The following GNA14 variants were observed in gnomAD, a reference collection of about 807,000 sequenced individuals.
GNA14 encodes G protein subunit alpha 14.
A neutral mutation model predicts 42.0 loss-of-function variants in GNA14; 50 were observed. The ratio of observed to expected loss-of-function variants is 1.19; its 90% CI spans 0.95 to 1.51. The LOEUF is 1.51. GNA14 is among the 40% of genes most tolerant of loss of function. The pLI, the probability that GNA14 is intolerant of heterozygous loss-of-function variation, is 0.00. For synonymous variants in GNA14, 173 were observed against 163.1 expected (o/e 1.06, Z -0.46); for missense variants, 473 against 446.2 (o/e 1.06, Z -0.54).
At position 77,454,225 on chromosome 9, in the gene GNA14, A is replaced by G. The variant is rs141441669; in HGVS notation, c.310-19703T>C. On this transcript the variant is annotated intron_variant, in intron 2 of 6. Transcript: ENST00000341700. ...TTCCAAAGTCTTCACCGTTTCTTAC[A>G]AAAGTGACTTCCCCTTTCCTCTAAC... is the stretch of plus-strand genomic sequence containing the variant. 4.7e-3 allele frequency among the ~76,000 whole-genome samples: 710 copies of G among 152,324 alleles called. 3 individuals are homozygous for G. The highest frequency in any genetic ancestry group is 0.014 in the Middle Eastern group (4 of 294).
At chr9:77,440,763 T>G (rs924007629) in intron 2 of GNA14, among the ~76,000 whole-genome samples, 1 of 152,188 alleles carries the variant, frequency 6.6e-6, no homozygotes, top group African/African-American at 2.4e-5. Flanking sequence ...GTCCCCAGGC[T>G]GGAGTGCAGT....
chr9:77,437,562 A>AAGAG (rs879376486), intron 2 of GNA14, among the ~76,000 whole-genome samples: 6 of 146,478 alleles, frequency 4.1e-5, no homozygotes, highest in African/African-American at 1.3e-4. Context: ...GAGAGAGAGA[A>AAGAG]AGAGAGAGAG....
intron 1 of GNA14, among the ~76,000 whole-genome samples, chr9:77,608,846 GC>G (rs1823684057): frequency 7.0e-6 from 1 of 143,402 alleles, no homozygotes; most frequent in South Asian, 2.2e-4. Flanking sequence ...GTTTATTTCT[GC>G]CCCCTTTAGT....
intron 1 of GNA14, 95 bp from the exon 2 acceptor site, chr9:77,529,348 C>T: frequency 1.1e-6 from 1 of 931,952 alleles, no homozygotes; most frequent in Non-Finnish European, 1.7e-6. Context: ...ATCCACATCC[C>T]AATTAATAGG....
At chr9:77,607,087 C>T (rs188182074) in intron 1 of GNA14, among the ~76,000 whole-genome samples, 14 of 152,192 alleles carry the variant, frequency 9.2e-5, no homozygotes, top group Admixed American at 3.3e-4. Context: ...ACCCAGTCTA[C>T]GGTATTCTGT....
intron 1 of GNA14, among the ~76,000 whole-genome samples, chr9:77,637,240 C>T (rs1824196662): frequency 6.6e-6 from 1 of 152,196 alleles, no homozygotes; most frequent in Non-Finnish European, 1.5e-5. Flanking sequence ...AGTCTTACCA[C>T]TTTTCACTGT....
At chr9:77,464,709 T>C (rs1322828523) in intron 2 of GNA14, among the ~76,000 whole-genome samples, 3 of 152,194 alleles carry the variant, frequency 2.0e-5, no homozygotes, top group Admixed American at 6.5e-5. Flanking sequence ...ATTAGGATTC[T>C]ATGGGTTGAA....
intron 2 of GNA14, among the ~76,000 whole-genome samples, chr9:77,438,051 CCTCTCAGGTCACCGGGAGA>C (rs1445467596): frequency 2.0e-5 from 3 of 152,134 alleles, no homozygotes; most frequent in Non-Finnish European, 4.4e-5. Context: ...ATAGATATGA[CCTCTCAGGTCACCGGGAGA>C]CCTCACCAGG....
chr9:77,537,028 G>A (rs1167291421), intron 1 of GNA14, among the ~76,000 whole-genome samples: 1 of 151,798 alleles, frequency 6.6e-6, no homozygotes, highest in Non-Finnish European at 1.5e-5. Flanking sequence ...ATCAAGCCAG[G>A]GTATTTGGGG....
intron 2 of GNA14, among the ~76,000 whole-genome samples, chr9:77,480,760 C>A (rs1397048996): frequency 6.6e-6 from 1 of 152,158 alleles, no homozygotes; most frequent in East Asian, 1.9e-4. Context: ...TCAACTTCCT[C>A]CTGGTTTAGT....
intron 1 of GNA14, among the ~76,000 whole-genome samples, chr9:77,593,496 G>A (rs375914181): frequency 6.6e-6 from 1 of 152,110 alleles, no homozygotes; most frequent in Admixed American, 6.5e-5. Context: ...TTTTAGTAGA[G>A]ATGAGGTTTC....
chr9:77,518,763 A>G (rs1837302450), intron 2 of GNA14, among the ~76,000 whole-genome samples: 1 of 152,242 alleles, frequency 6.6e-6, no homozygotes, highest in Non-Finnish European at 1.5e-5. Context: ...ACACAGAAGC[A>G]AATAACTTCC....
chr9:77,481,681 T>C (rs557132973), intron 2 of GNA14, among the ~76,000 whole-genome samples: 83 of 152,298 alleles, frequency 5.4e-4, no homozygotes, highest in Non-Finnish European at 7.6e-4. Context: ...TGTGTGGAAG[T>C]CTAAGTCTCT....
At chr9:77,641,437 G>A (rs537122478) in intron 1 of GNA14, among the ~76,000 whole-genome samples, 3 of 151,846 alleles carry the variant, frequency 2.0e-5, no homozygotes, top group African/African-American at 4.8e-5. Flanking sequence ...AGGAGCAGAT[G>A]GACATGGTGT....
At chr9:77,569,683 G>A (rs1292299042) in intron 1 of GNA14, among the ~76,000 whole-genome samples, 1 of 152,166 alleles carries the variant, frequency 6.6e-6, no homozygotes, top group East Asian at 1.9e-4. Context: ...ATATTTCAGG[G>A]GCTGTGTCTG....
chr9:77,569,221 C>A (rs1564055878), intron 1 of GNA14, among the ~76,000 whole-genome samples: 1 of 151,740 alleles, frequency 6.6e-6, no homozygotes, highest in African/African-American at 2.4e-5. Flanking sequence ...TGAACTTACT[C>A]TTGCTATTAA....
chr9:77,510,728 T>C (rs990647618), intron 2 of GNA14, among the ~76,000 whole-genome samples: 4 of 152,166 alleles, frequency 2.6e-5, no homozygotes, highest in Non-Finnish European at 4.4e-5. Context: ...GGAGAAGTGA[T>C]GGAATGTTCC....
intron 2 of GNA14, among the ~76,000 whole-genome samples, chr9:77,472,793 T>A (rs1380991400): frequency 6.7e-6 from 1 of 148,436 alleles, no homozygotes; most frequent in Admixed American, 6.7e-5. Context: ...ACATGATCTC[T>A]CTCTCTCTCT....
intron 2 of GNA14, among the ~76,000 whole-genome samples, chr9:77,477,537 A>G (rs1046109692): frequency 6.6e-6 from 1 of 152,178 alleles, no homozygotes; most frequent in Non-Finnish European, 1.5e-5. Flanking sequence ...TTGAAGTCTC[A>G]TAATAGGCCA....
Sources: allele counts gnomAD v4.1 joint callset (sites outside exome capture counted in the v4.1 genomes callset), GRCh38; gene constraint gnomAD v4.1.1; transcripts MANE v1.5; gene names NCBI Gene and HGNC (gene_info 2026-07-23, HGNC 2026-07-21).